PHKA2: variants seen among roughly 807,000 people sequenced by gnomAD.
PHKA2 encodes the protein phosphorylase b kinase regulatory subunit alpha, liver isoform.
PHKA2 carries 31 observed loss-of-function variants against 102.0 expected under a neutral mutation model. That is an observed-to-expected ratio of 0.30 (90% CI 0.23 to 0.41). The LOEUF is 0.41. Among genes scored for constraint, PHKA2 ranks in the 10% least tolerant of loss-of-function variants. The pLI is 1.00. For missense variants in PHKA2, 858 were observed against 1,023.1 expected, an observed-to-expected ratio of 0.84 and a Z score of 2.20; for synonymous variants, 455 against 416.2, an observed-to-expected ratio of 1.09 and a Z score of -1.13.
At chrX:18,961,651 CT>C (rs2048873009) in intron 1 of PHKA2, among the ~76,000 whole-genome samples, 1 of 87,771 alleles carries the variant, frequency 1.1e-5, no homozygotes, top group Non-Finnish European at 2.2e-5. Flanking sequence ...CAGCGCAAGA[CT>C]CCATCTCAAA....
chrX:18,982,541 T>C (rs1370338877), intron 1 of PHKA2, among the ~76,000 whole-genome samples: 3 of 112,165 alleles, frequency 2.7e-5, no homozygotes, highest in East Asian at 5.5e-4. Context: ...TTTCAGATAA[T>C]GGACTCTGAG....
chrX:18,949,850 A>G (rs1439632908), intron 4 of PHKA2, among the ~76,000 whole-genome samples: 1 of 112,403 alleles, frequency 8.9e-6, no homozygotes, highest in Non-Finnish European at 1.9e-5. Flanking sequence ...CCAAAACGTA[A>G]CTTCATAAAT....
At chrX:18,940,790 A>T (rs1420302882) in intron 8 of PHKA2, among the ~76,000 whole-genome samples, 3 of 111,584 alleles carry the variant, frequency 2.7e-5, no homozygotes, top group Non-Finnish European at 5.7e-5. Context: ...CTGTCCTGGG[A>T]GTCATCCCAG....
intron 1 of PHKA2, among the ~76,000 whole-genome samples, chrX:18,956,414 A>G (rs1002889966): frequency 1.8e-5 from 2 of 112,063 alleles, no homozygotes; most frequent in Non-Finnish European, 3.8e-5. Context: ...ACCCAGAGTA[A>G]GAACTCAACC....
chrX:18,925,649 G>T lies in PHKA2; in HGVS notation c.1569+19C>A, dbSNP rs768842336. ...AAGAGAACTTAAAAAAAAGATGCTC[G>T]TTGGCCTGCTCTCCTCACCTGGGGT... On this transcript the variant is annotated intron_variant, in intron 15 of 32. Transcript: ENST00000379942. 4.3e-6 allele frequency: 4 copies of T among 923,926 alleles called. No homozygotes were observed. The highest frequency in any genetic ancestry group is 4.4e-5 in the Admixed American group (2 of 45,345). 76.1% of individuals were successfully genotyped at this position (923,926 alleles called of 1,213,427 possible). A position where few individuals can be genotyped will look rare whatever the true frequency, so the allele number is the denominator to read the frequency against.
rs1159984901 is a variant in PHKA2 at position 18,909,315 on chromosome X, C to T, written c.2227-381G>A. Among the ~76,000 whole-genome samples the T allele has an allele frequency of 4.5e-5, 5 of 112,050 alleles. No homozygotes were observed. In the Admixed American group the frequency reaches 4.7e-4, roughly 11 times the overall value. ...GATCCAGGTATACTGGCTTGGTGATCATTCATTGAGCTGAAGGTGTGAAGG... is the reference window on the plus strand; with the variant it reads ...GATCCAGGTATACTGGCTTGGTGATTATTCATTGAGCTGAAGGTGTGAAGG... On this transcript the variant is annotated intron_variant, in intron 20 of 32. Coordinates refer to ENST00000379942, the MANE Select transcript of PHKA2 (RefSeq NM_000292.3).
Position 18,893,259 on chromosome X carries a change from T to C in PHKA2, c.*226A>G. On this transcript the variant is annotated 3_prime_UTR_variant, in exon 33 of 33. Transcript: ENST00000379942. ...GTTCCAGAGAAATGAACCTAGAAAA[T>C]GATCCCGGGGTGCTCCTTGCGGGGG... 4.6e-6 allele frequency: 2 copies of C among 436,954 alleles called. No individual in the cohort carries two copies. Among genetic ancestry groups the C allele is most frequent in the Non-Finnish European group, 4.0e-6 (1 of 249,366 alleles). The allele number at this position is 436,954 out of a possible 1,213,427, so 36.0% of individuals were successfully genotyped here. A position where few individuals can be genotyped will look rare whatever the true frequency, so the allele number is the denominator to read the frequency against.
intron 26 of PHKA2, among the ~76,000 whole-genome samples, chrX:18,904,156 G>A (rs1015580902): frequency 1.8e-5 from 2 of 111,626 alleles, no homozygotes; most frequent in African/African-American, 6.5e-5. Flanking sequence ...ACAGCAGAGA[G>A]GCAGGAGCCC....
intron 8 of PHKA2, 105 bp downstream of exon 8, chrX:18,941,424 G>A (rs773938665): frequency 5.4e-6 from 4 of 737,741 alleles, no homozygotes; most frequent in South Asian, 4.2e-5. Flanking sequence ...GTATGCATCT[G>A]CTTAGATAAA....
intron 1 of PHKA2, among the ~76,000 whole-genome samples, chrX:18,975,624 T>C (rs2049078149): frequency 8.9e-6 from 1 of 112,378 alleles, no homozygotes; most frequent in Admixed American, 9.5e-5. Context: ...CTAACAGTTG[T>C]TTAAGCCTAA....
At chrX:18,899,147 A>G (rs2047629202) in intron 29 of PHKA2, 26 bp downstream of exon 29, 1 of 1,182,787 alleles carries the variant, frequency 8.5e-7, no homozygotes, top group African/African-American at 1.7e-5. Flanking sequence ...GCGGGGACGG[A>G]CACAATAATC....
chrX:18,930,149 C>A lies in PHKA2; in HGVS notation c.1246-843G>T, dbSNP rs756857139. 3.6e-5 allele frequency among the ~76,000 whole-genome samples: 4 copies of A among 112,466 alleles called. No homozygotes were observed. In the South Asian group the frequency reaches 1.5e-3, roughly 41 times the overall value. On this transcript the variant is annotated intron_variant, in intron 12 of 32. Coordinates refer to ENST00000379942, the MANE Select transcript of PHKA2 (RefSeq NM_000292.3). The stretch of plus-strand genomic sequence containing the variant: ...TTCATTCTGAAGGCTCCCCTGTATA[C>A]ATGTTAAGTATATCTGCATGCCCTT...
rs137958637 is a variant in PHKA2 at position 18,925,676 on chromosome X, T to C, written c.1561A>G (p.Thr521Ala). 8.7e-5 allele frequency: 100 copies of C among 1,148,986 alleles called. No individual in the cohort carries two copies. Among genetic ancestry groups the C allele is most frequent in the Non-Finnish European group, 1.1e-4 (96 of 839,704 alleles). 94.7% of individuals were successfully genotyped at this position (1,148,986 alleles called of 1,213,427 possible). ...YVIRNQIFTF[T>A]PQFTDQHHFY... The stretch of plus-strand genomic sequence containing the variant: ...TGGCCTGCTCTCCTCACCTGGGGTG[T>C]AAAAGTAAAGATTTGGTTCCTAATC... Residue 521 changes from threonine (T) to alanine (A), a missense_variant, in exon 15 of 33, where the codon ACA (threonine) becomes GCA (alanine). Transcript: ENST00000379942.
chrX:18,975,052 G>A (rs768591550), intron 1 of PHKA2, among the ~76,000 whole-genome samples: 1 of 110,388 alleles, frequency 9.1e-6, no homozygotes, highest in South Asian at 3.9e-4. Flanking sequence ...ATACACCAAT[G>A]ACTCCCACAT....
intron 29 of PHKA2, chrX:18,898,244 C>T (rs766033692): frequency 8.9e-6 from 1 of 112,833 alleles, no homozygotes; most frequent in Non-Finnish European, 1.9e-5. Context: ...CTCCTTCCCA[C>T]CTCAACATTG....
At chrX:18,939,503 T>C (rs2048453356) in intron 9 of PHKA2, among the ~76,000 whole-genome samples, 1 of 111,245 alleles carries the variant, frequency 9.0e-6, no homozygotes, top group Non-Finnish European at 1.9e-5. Context: ...TGTTTTTGTT[T>C]TTGTTTTTGA....
At chrX:18,920,849 T>C (rs1190521847) in intron 17 of PHKA2, among the ~76,000 whole-genome samples, 2 of 112,262 alleles carry the variant, frequency 1.8e-5, no homozygotes, top group South Asian at 7.3e-4. Context: ...GATTTGCACA[T>C]ACAGAAGAAA....
chrX:18,931,432 C>T (rs1457597063), intron 12 of PHKA2, among the ~76,000 whole-genome samples: 2 of 111,603 alleles, frequency 1.8e-5, no homozygotes, highest in Non-Finnish European at 3.8e-5. Flanking sequence ...AGTGCTGGGC[C>T]CTCATGGACC....
intron 22 of PHKA2, among the ~76,000 whole-genome samples, 196 bp from the exon 23 acceptor site, chrX:18,907,293 C>A (rs1415831897): frequency 8.9e-6 from 1 of 112,335 alleles, no homozygotes; most frequent in African/African-American, 3.2e-5. Context: ...GGATGGGTGT[C>A]TGTGGTCTCT....
Sources: allele counts gnomAD v4.1 joint callset (sites outside exome capture counted in the v4.1 genomes callset), GRCh38; gene constraint gnomAD v4.1.1; transcripts MANE v1.5; gene names NCBI Gene and HGNC (gene_info 2026-07-23, HGNC 2026-07-21).